KTN1: variants seen among roughly 807,000 people sequenced by gnomAD.
KTN1 encodes the protein kinectin 1.
A neutral mutation model predicts 222.5 loss-of-function variants in KTN1; 130 were observed. The ratio of observed to expected loss-of-function variants is 0.58; its 90% CI spans 0.51 to 0.68. The LOEUF is 0.68. Among genes scored for constraint, KTN1 ranks in the 30% least tolerant of loss-of-function variants. KTN1 has a pLI of 0.00. For synonymous variants in KTN1, 512 were observed against 496.3 expected, an observed-to-expected ratio of 1.03 and a Z score of -0.42; for missense variants, 1,508 against 1,500.4, an observed-to-expected ratio of 1.01 and a Z score of -0.08.
intron 43 of KTN1, chr14:55,683,211 C>T (rs756800121): frequency 3.3e-5 from 5 of 152,030 alleles, no homozygotes; most frequent in Non-Finnish European, 5.9e-5. Flanking sequence ...TTAGACTTTC[C>T]GATCAACTGT....
chr14:55,664,870 G>T (rs532193700), intron 33 of KTN1, among the ~76,000 whole-genome samples: 2 of 152,024 alleles, frequency 1.3e-5, no homozygotes, highest in Non-Finnish European at 2.9e-5. Context: ...GTAAAAGAAA[G>T]AACCTACATG....
intron 32 of KTN1, among the ~76,000 whole-genome samples, chr14:55,662,597 G>T (rs1047859251): frequency 2.0e-5 from 3 of 152,318 alleles, no homozygotes; most frequent in Non-Finnish European, 4.4e-5. Context: ...TGCTAGAGAA[G>T]AAATTTTTGT....
At chr14:55,596,154 C>CAAAAAAAAAAAAA (rs71448460) in intron 1 of KTN1, among the ~76,000 whole-genome samples, 21 of 61,028 alleles carry the variant, frequency 3.4e-4, no homozygotes, top group South Asian at 6.5e-4. Flanking sequence ...GACTCAATAG[C>CAAAAAAAAAAAAA]AAAAAAAAAA....
intron 7 of KTN1, among the ~76,000 whole-genome samples, chr14:55,632,424 T>C (rs553814425): frequency 6.6e-6 from 1 of 152,342 alleles, no homozygotes; most frequent in African/African-American, 2.4e-5. Context: ...TACAAAAACA[T>C]GTTCTTATGA....
At chr14:55,597,090 C>G (rs924809226) in intron 1 of KTN1, among the ~76,000 whole-genome samples, 2 of 151,854 alleles carry the variant, frequency 1.3e-5, no homozygotes, top group South Asian at 2.1e-4. Context: ...GGGAAGAACT[C>G]ACAAGGACCA....
Position 55,671,646 on chromosome 14 carries a change from T to C in KTN1, c.3429T>C (p.Leu1143=). 1.2e-6 allele frequency: 2 copies of C among 1,609,416 alleles called. No individual in the cohort carries two copies. The highest frequency in any genetic ancestry group is 1.7e-6 in the Non-Finnish European group (2 of 1,177,108). Residue 1143 remains leucine (L), a synonymous_variant, in exon 36 of 44, where the codon CTT becomes CTC. Transcript: ENST00000395314. ...AGTGTGAAAAATACAAATCCGTCCT[T>C]GCAGAAACAGTAGGAAATGATTTTT... ...QLECEKYKSV[L]AETEGILQKL...
At chr14:55,651,560 C>T in intron 24 of KTN1, 2 of 368,896 alleles carry the variant, frequency 5.4e-6, no homozygotes, top group South Asian at 4.9e-5. Context: ...GTGGTGTTTA[C>T]AACTGATTGA....
chr14:55,602,726 T>A (rs2036163990), intron 1 of KTN1, among the ~76,000 whole-genome samples: 1 of 152,000 alleles, frequency 6.6e-6, no homozygotes, highest in South Asian at 2.1e-4. Flanking sequence ...GGACTACAGG[T>A]GCATGCCACC....
chr14:55,653,572 C>T lies in KTN1; in HGVS notation c.2777C>T (p.Ser926Leu), dbSNP rs2043157814. 2 of 1,610,224 alleles carry T rather than the reference C, an allele frequency of 1.2e-6. No homozygotes were observed. Among genetic ancestry groups the T allele is most frequent in the South Asian group, 1.1e-5 (1 of 90,782 alleles). ...QHNLKEASSA[S>L]QFEELEIVLK... ...TCTGTTTCTCAGGCCTCTTCTGCAT[C>T]ACAGTTTGAAGAACTTGAGATTGTG... Residue 926 changes from serine to leucine, a missense_variant, in exon 28 of 44, where the codon TCA becomes TTA. Coordinates refer to ENST00000395314, the MANE Select transcript of KTN1 (RefSeq NM_001079521.2).
chr14:55,679,766 A>T, intron 43 of KTN1, 81 bp downstream of exon 43: 1 of 1,353,832 alleles, frequency 7.4e-7, no homozygotes, highest in Non-Finnish European at 1.0e-6. Context: ...AAATAAACTC[A>T]CTTCACTAGA....
At chr14:55,646,231 A>G (rs1320628061) in intron 18 of KTN1, among the ~76,000 whole-genome samples, 1 of 152,162 alleles carries the variant, frequency 6.6e-6, no homozygotes, top group East Asian at 1.9e-4. Flanking sequence ...TGCAATTTAC[A>G]ATCAGTTTTA....
chr14:55,683,811 C>CTAATAAAA, intron 43 of KTN1: 1 of 309,228 alleles, frequency 3.2e-6, no homozygotes, highest in Non-Finnish European at 5.9e-6. Flanking sequence ...TTTAGCTTTA[C>CTAATAAAA]ATTCTCTTGA....
At chr14:55,679,710 T>C in intron 43 of KTN1, 25 bp downstream of exon 43, 1 of 1,608,532 alleles carries the variant, frequency 6.2e-7, no homozygotes, top group Non-Finnish European at 8.5e-7. Context: ...AATATTGCTG[T>C]CTATGGGTAA....
intron 1 of KTN1, among the ~76,000 whole-genome samples, chr14:55,600,038 A>C (rs1348251951): frequency 1.3e-5 from 2 of 151,510 alleles, no homozygotes; most frequent in African/African-American, 4.8e-5. Flanking sequence ...AAACTTTTTC[A>C]GTAGTCATTT....
chr14:55,678,201 TG>T, intron 41 of KTN1, 150 bp from the exon 42 acceptor site: 3 of 573,786 alleles, frequency 5.2e-6, no homozygotes, highest in Non-Finnish European at 6.2e-6. Flanking sequence ...TATAATCTGG[TG>T]GGGGGTGAAG....
At chr14:55,628,717 T>G (rs2040144711) in intron 6 of KTN1, among the ~76,000 whole-genome samples, 1 of 152,086 alleles carries the variant, frequency 6.6e-6, no homozygotes, top group African/African-American at 2.4e-5. Context: ...GAATTTGAAG[T>G]AAATAAAAAA....
Position 55,652,904 on chromosome 14 carries a change from A to G in KTN1, c.2658A>G (p.Lys886=). The part of the protein sequence containing the change: ...MNTMKAVLEE[K]EKDLANTGKW... Reference sequence around the variant, plus strand: ...CCATGAAGGCTGTTTTGGAAGAGAAAGAGAAAGACCTAGCCAATACAGGGA... The same window carrying G: ...CCATGAAGGCTGTTTTGGAAGAGAAGGAGAAAGACCTAGCCAATACAGGGA... The change falls in exon 26 of 44, where the codon AAA becomes AAG. Residue 886 remains lysine (K), a synonymous_variant. Coordinates refer to ENST00000395314, the MANE Select transcript of KTN1 (RefSeq NM_001079521.2). The G allele has an allele frequency of 1.2e-6, 2 of 1,611,846 alleles. No homozygotes were observed. The highest frequency in any genetic ancestry group is 1.1e-5 in the South Asian group (1 of 90,782).
intron 2 of KTN1, among the ~76,000 whole-genome samples, chr14:55,614,066 G>A (rs1300993516): frequency 6.6e-6 from 1 of 152,162 alleles, no homozygotes; most frequent in Non-Finnish European, 1.5e-5. Flanking sequence ...AGAGTACAGT[G>A]TATTATTGAG....
chr14:55,682,401 A>G (rs1474251060), intron 43 of KTN1: 1 of 152,074 alleles, frequency 6.6e-6, no homozygotes. Flanking sequence ...TTTTGTTCCC[A>G]GATATCTACT....
Sources: allele counts gnomAD v4.1 joint callset (sites outside exome capture counted in the v4.1 genomes callset), GRCh38; gene constraint gnomAD v4.1.1; transcripts MANE v1.5; gene names NCBI Gene and HGNC (gene_info 2026-07-23, HGNC 2026-07-21).